The following MPDZ variants were observed in gnomAD, a reference collection of about 807,000 sequenced individuals.
MPDZ encodes multiple PDZ domain crumbs cell polarity complex component, also known as multiple PDZ domain protein.
Under a neutral mutation model 239.1 loss-of-function variants are expected in MPDZ, and 234 were observed. The observed-to-expected ratio is 0.98, with a 90% CI of 0.88 to 1.09. The LOEUF is 1.09. Ranked by LOEUF, MPDZ falls within the 50% of genes least tolerant of loss-of-function variation. The pLI is 0.00. For missense variants in MPDZ, 3,175 were observed against 2,510.0 expected (o/e 1.26, Z -5.66); for synonymous variants, 1,048 against 881.3 (o/e 1.19, Z -3.35).
At chr9:13,243,771 A>C (rs1965967269) in intron 3 of MPDZ, among the ~76,000 whole-genome samples, 1 of 152,208 alleles carries the variant, frequency 6.6e-6, no homozygotes, top group Non-Finnish European at 1.5e-5. Context: ...CATACACATT[A>C]CGCATCTAGA....
rs746829047 is a variant in MPDZ at position 13,126,761 on chromosome 9, ACCC to A, written c.4473_4475del (p.Gly1492del). 3.9e-5 allele frequency: 63 copies of A among 1,613,376 alleles called. No homozygotes were observed. In the Middle Eastern group the frequency reaches 2.3e-3, roughly 59 times the overall value. ...CTTCTTCGCTGATAGCAATACCCAA[ACCC>A]CCCTGATCCTAGAAAAGTAAAAACA... On this transcript the variant is annotated inframe_deletion, in exon 33 of 47. Transcript: ENST00000319217.
chr9:13,168,743 G>C (rs1258704915), intron 21 of MPDZ, among the ~76,000 whole-genome samples, 179 bp from the exon 22 acceptor site: 1 of 152,054 alleles, frequency 6.6e-6, no homozygotes. Flanking sequence ...TAAGTAAATT[G>C]TAAATGTTTG....
intron 32 of MPDZ, among the ~76,000 whole-genome samples, chr9:13,132,320 G>A (rs1296911595): frequency 6.6e-6 from 1 of 152,162 alleles, no homozygotes; most frequent in East Asian, 1.9e-4. Context: ...GGACCAATGG[G>A]ATTAAGTGAT....
chr9:13,176,752 C>A (rs1200342031), intron 19 of MPDZ, among the ~76,000 whole-genome samples: 2 of 152,042 alleles, frequency 1.3e-5, no homozygotes, highest in Non-Finnish European at 2.9e-5. Flanking sequence ...CATAGAAGAG[C>A]AAGTAGCATA....
intron 36 of MPDZ, 59 bp downstream of exon 36, chr9:13,123,094 C>T (rs1455795077): frequency 1.3e-5 from 19 of 1,491,776 alleles, no homozygotes; most frequent in East Asian, 2.3e-5. Context: ...TCCCCATAAT[C>T]GTCTCTGAGG....
chr9:13,235,103 C>T (rs905888733), intron 3 of MPDZ, among the ~76,000 whole-genome samples: 1 of 152,080 alleles, frequency 6.6e-6, no homozygotes, highest in African/African-American at 2.4e-5. Flanking sequence ...TAAAGCACAG[C>T]TCTGATGCAT....
chr9:13,195,960 A>G (rs894360804), intron 13 of MPDZ, among the ~76,000 whole-genome samples, 161 bp downstream of exon 13: 1 of 152,034 alleles, frequency 6.6e-6, no homozygotes, highest in Non-Finnish European at 1.5e-5. Context: ...CTCCAACCTA[A>G]ATTTTTTTTA....
chr9:13,131,097 T>C (rs1013890124), intron 32 of MPDZ, among the ~76,000 whole-genome samples: 1 of 152,162 alleles, frequency 6.6e-6, no homozygotes, highest in Admixed American at 6.5e-5. Flanking sequence ...TTTAAAAATA[T>C]ATAGGATAGT....
chr9:13,147,987 C>A lies in MPDZ; in HGVS notation c.3631-329G>T, dbSNP rs574818885. Among the ~76,000 whole-genome samples, 10 of 152,124 alleles carry A rather than the reference C, an allele frequency of 6.6e-5. No homozygotes were observed. The East Asian group carries it at 1.9e-3, about 29-fold the overall frequency. On this transcript the variant is annotated intron_variant, in intron 25 of 46. Transcript: ENST00000319217. ...TCATTAACAAAATTATATGAGGGAA[C>A]TATCTAGCAGCACTGTCTTCATCAT...
Position 13,140,106 on chromosome 9 carries a change from C to T in MPDZ, c.3884G>A (p.Cys1295Tyr). ...TGAAGGAGGGGGTGGGGGCACACTG[C>T]ACAATGGAGCCTTCTCTGGCTCTGA... ...SESEPEKAPL[C>Y]SVPPPPPSAF... The change falls in exon 28 of 47, where the codon TGC becomes TAC. Residue 1295 changes from cysteine to tyrosine, a missense_variant. Transcript: ENST00000319217. The T allele has an allele frequency of 6.2e-7, 1 of 1,613,364 alleles. No homozygotes were observed. Among genetic ancestry groups the T allele is most frequent in the Non-Finnish European group, 8.5e-7 (1 of 1,179,746 alleles).
intron 27 of MPDZ, among the ~76,000 whole-genome samples, chr9:13,142,218 GTTATT>G (rs1009769472): frequency 6.6e-6 from 1 of 151,986 alleles, no homozygotes; most frequent in African/African-American, 2.4e-5. Context: ...TTTCTGAGCT[GTTATT>G]TTAAGAACAA....
intron 12 of MPDZ, among the ~76,000 whole-genome samples, chr9:13,196,451 T>A (rs552297506): frequency 4.9e-4 from 75 of 152,182 alleles, no homozygotes; most frequent in Non-Finnish European, 6.6e-4. Context: ...GTATTTTAAA[T>A]CTTTACCTCC....
chr9:13,259,546 A>G (rs959572637), intron 1 of MPDZ, among the ~76,000 whole-genome samples: 3 of 152,128 alleles, frequency 2.0e-5, no homozygotes, highest in African/African-American at 7.2e-5. Flanking sequence ...AAAATACAAG[A>G]ACACAAAGGA....
At chr9:13,275,726 T>C (rs1233289814) in intron 1 of MPDZ, among the ~76,000 whole-genome samples, 3 of 152,164 alleles carry the variant, frequency 2.0e-5, no homozygotes, top group South Asian at 4.1e-4. Flanking sequence ...CTTCAAGAGA[T>C]AAAAGTCAGC....
chr9:13,119,910 G>C (rs935614914), intron 38 of MPDZ: 1 of 417,864 alleles, frequency 2.4e-6, no homozygotes, highest in Non-Finnish European at 4.3e-6. Context: ...GAGTAGAAGC[G>C]TGTATTACCA....
intron 28 of MPDZ, among the ~76,000 whole-genome samples, chr9:13,138,558 C>T (rs1947188049): frequency 6.6e-6 from 1 of 152,176 alleles, no homozygotes; most frequent in Non-Finnish European, 1.5e-5. Flanking sequence ...ATAGGAATTT[C>T]AACATTGTGT....
intron 1 of MPDZ, among the ~76,000 whole-genome samples, chr9:13,253,117 C>A (rs558483559): frequency 2.6e-5 from 4 of 151,856 alleles, no homozygotes; most frequent in Middle Eastern, 6.8e-3. Context: ...GAAAGTACAG[C>A]GTAGGCAGTT....
intron 46 of MPDZ, among the ~76,000 whole-genome samples, chr9:13,108,226 T>G (rs912349252): frequency 6.6e-6 from 1 of 152,276 alleles, no homozygotes; most frequent in African/African-American, 2.4e-5. Context: ...TGTCGAATTT[T>G]GTAGCCCCTG....
At chr9:13,142,893 G>A (rs945662866) in intron 27 of MPDZ, among the ~76,000 whole-genome samples, 3 of 151,848 alleles carry the variant, frequency 2.0e-5, no homozygotes, top group Non-Finnish European at 2.9e-5. Context: ...TTTGTGTTTC[G>A]ATTTTGGTTT....
Sources: gnomAD v4.1 joint callset for allele counts (sites outside exome capture counted in the v4.1 genomes callset) on GRCh38, gnomAD v4.1.1 for gene constraint, MANE v1.5 for transcripts, NCBI Gene and HGNC (gene_info 2026-07-23, HGNC 2026-07-21) for gene names.